ITGB5: variants seen among roughly 807,000 people sequenced by gnomAD.
ITGB5 encodes the protein integrin subunit beta 5.
ITGB5 carries 38 observed loss-of-function variants against 84.8 expected under a neutral mutation model. That is an observed-to-expected ratio of 0.45 (90% CI 0.35 to 0.59). The LOEUF (loss-of-function observed/expected upper bound fraction) is 0.59. Among genes scored for constraint, ITGB5 ranks in the 20% least tolerant of loss-of-function variants. The pLI is 0.01. For synonymous variants in ITGB5, 393 were observed against 414.4 expected (o/e 0.95, Z 0.63); for missense variants, 905 against 1,034.5 (o/e 0.87, Z 1.72).
chr3:124,861,519 CACACACACAG>C (rs1174655916), intron 2 of ITGB5, among the ~76,000 whole-genome samples: 46 of 147,138 alleles, frequency 3.1e-4, no homozygotes, highest in African/African-American at 7.5e-4. Context: ...CACACACACA[CACACACACAG>C]AGAGATACAC....
chr3:124,854,611 G>A (rs2065198073), intron 3 of ITGB5, among the ~76,000 whole-genome samples: 1 of 152,200 alleles, frequency 6.6e-6, no homozygotes, highest in Non-Finnish European at 1.5e-5. Context: ...GAGGGTGGGA[G>A]ACGGTAGTTT....
upstream of ITGB5, among the ~76,000 whole-genome samples, chr3:124,888,202 C>A (rs1032279000): frequency 3.3e-5 from 5 of 152,068 alleles, no homozygotes; most frequent in Admixed American, 1.3e-4. Context: ...CAGGTGCGAG[C>A]CACCGTGCCC....
intron 2 of ITGB5, among the ~76,000 whole-genome samples, chr3:124,860,403 T>C (rs1432562079): frequency 2.6e-5 from 4 of 152,192 alleles, no homozygotes; most frequent in Admixed American, 1.3e-4. Flanking sequence ...TGAGGTGTTA[T>C]AGTAAAGTGA....
intron 13 of ITGB5, 117 bp downstream of exon 13, chr3:124,766,109 G>A (rs1377204773): frequency 2.0e-6 from 2 of 991,444 alleles, no homozygotes; most frequent in East Asian, 2.6e-5. Flanking sequence ...TCCTCTCCCT[G>A]CAGTTTCAAA....
chr3:124,866,219 G>C (rs1349332991), intron 2 of ITGB5, among the ~76,000 whole-genome samples: 2 of 152,000 alleles, frequency 1.3e-5, no homozygotes, highest in African/African-American at 2.4e-5. Flanking sequence ...CTGAGTTCAA[G>C]TGATCCACCC....
chr3:124,808,893 T>C lies in ITGB5; in HGVS notation c.1263+129A>G. On this transcript the variant is annotated intron_variant, in intron 9 of 14. Coordinates refer to ENST00000296181, the MANE Select transcript of ITGB5 (RefSeq NM_002213.5). ...GCAAAACAGGCTTAGGAGACTCCTC[T>C]GGGATGCTGAATTGGAAAACAGAAT... 3 of 1,053,358 alleles carry C rather than the reference T, an allele frequency of 2.8e-6. 1 individual carries two copies. The South Asian group carries it at 4.8e-5, about 17-fold the overall frequency. The allele number at this position is 1,053,358 out of a possible 1,614,324, so 65.3% of individuals were successfully genotyped here.
intron 5 of ITGB5, among the ~76,000 whole-genome samples, chr3:124,841,139 T>C (rs1209469963): frequency 6.6e-6 from 1 of 152,160 alleles, no homozygotes; most frequent in African/African-American, 2.4e-5. Context: ...TAGCAGACAG[T>C]ACTCCATTGC....
intron 4 of ITGB5, among the ~76,000 whole-genome samples, chr3:124,845,672 C>T (rs568678598): frequency 5.4e-4 from 82 of 152,214 alleles, no homozygotes; most frequent in African/African-American, 1.8e-3. Flanking sequence ...AAATGCTGAG[C>T]GCCTAGAGCC....
chr3:124,796,534 G>A lies in ITGB5; in HGVS notation c.1547C>T (p.Ala516Val). Residue 516 changes from alanine (A) to valine (V), a missense_variant, in exon 10 of 15, where the codon GCA becomes GTA. Ala to Val is a moderately conservative substitution (Grantham distance 64, BLOSUM62 0). This residue lies in a region of ITGB5 where 656 missense variants were observed against 734.7 expected (regional missense o/e 0.89). Transcript: ENST00000296181. ...CCCGCTGCACAGTGGCTTGCCCTCTGCCTCCCGGCACAGGTTCTGGTACAC... is the reference window on the plus strand; with the variant it reads ...CCCGCTGCACAGTGGCTTGCCCTCTACCTCCCGGCACAGGTTCTGGTACAC... ...QSVYQNLCRE[A>V]EGKPLCSGRG... The A allele has an allele frequency of 6.2e-7, 1 of 1,614,094 alleles. No homozygotes were observed. Among genetic ancestry groups the A allele is most frequent in the Non-Finnish European group, 8.5e-7 (1 of 1,180,038 alleles).
At chr3:124,822,309 G>A (rs2064718923) in intron 5 of ITGB5, among the ~76,000 whole-genome samples, 2 of 152,188 alleles carry the variant, frequency 1.3e-5, no homozygotes, top group South Asian at 2.1e-4. Context: ...TAGTAATGGT[G>A]AACGGGCATC....
chr3:124,787,172 G>T (rs567919519), intron 10 of ITGB5, among the ~76,000 whole-genome samples: 3 of 152,268 alleles, frequency 2.0e-5, no homozygotes, highest in Non-Finnish European at 4.4e-5. Flanking sequence ...TCGCCACGGG[G>T]TTCTGTTGGC....
chr3:124,855,471 T>A (rs1051072356), intron 3 of ITGB5, among the ~76,000 whole-genome samples: 1 of 152,204 alleles, frequency 6.6e-6, no homozygotes, highest in African/African-American at 2.4e-5. Context: ...ATTCTTCAGG[T>A]TTGCCTGTAC....
chr3:124,841,677 C>G, intron 4 of ITGB5, 126 bp from the exon 5 acceptor site: 2 of 810,610 alleles, frequency 2.5e-6, no homozygotes, highest in Non-Finnish European at 3.9e-6. Context: ...TACCACATGC[C>G]CCAGGACAGG....
At chr3:124,814,847 G>C (rs989252183) in intron 8 of ITGB5, among the ~76,000 whole-genome samples, 1 of 152,144 alleles carries the variant, frequency 6.6e-6, no homozygotes, top group African/African-American at 2.4e-5. Context: ...TTAACTCGCA[G>C]AATCAAGCGA....
chr3:124,773,053 G>A (rs1364333753), intron 11 of ITGB5, among the ~76,000 whole-genome samples: 8 of 151,622 alleles, frequency 5.3e-5, no homozygotes, highest in Non-Finnish European at 7.4e-5. Context: ...TTACAGGCAC[G>A]TGCCACCACA....
chr3:124,795,281 G>A (rs149541320), intron 10 of ITGB5, among the ~76,000 whole-genome samples: 1,529 of 152,136 alleles, frequency 0.01, 8 homozygotes, highest in Non-Finnish European at 0.016. Context: ...TTGAGATCAC[G>A]AGTTCAAGAC....
chr3:124,858,471 A>G (rs1234378228), intron 3 of ITGB5, among the ~76,000 whole-genome samples: 1 of 152,242 alleles, frequency 6.6e-6, no homozygotes, highest in Non-Finnish European at 1.5e-5. Context: ...TATTCACAAG[A>G]GCCAAAAGTT....
rs10644920 is a variant in ITGB5 at position 124,810,908 on chromosome 3, T to TTTTCTTTC, written c.1129-1760_1129-1753dup. Among the ~76,000 whole-genome samples the TTTTCTTTC allele has an allele frequency of 8.7e-3, 1,303 of 150,054 alleles. 6 individuals are homozygous for TTTTCTTTC. Among genetic ancestry groups the TTTTCTTTC allele is most frequent in the Middle Eastern group, 0.01 (3 of 294 alleles). ...CAGACTTGCCTCTTGCTCTTGTGGGTTTTCTTTCTTTCTTTCTTTCTTTCT... is the reference window on the plus strand; with the variant it reads ...CAGACTTGCCTCTTGCTCTTGTGGGTTTTCTTTCTTTCTTTCTTTCTTTCTTTCTTTCT... On this transcript the variant is annotated intron_variant, in intron 8 of 14. Coordinates refer to ENST00000296181, the MANE Select transcript of ITGB5 (RefSeq NM_002213.5).
chr3:124,860,958 T>TGA (rs147057633), intron 2 of ITGB5, among the ~76,000 whole-genome samples: 3,551 of 152,212 alleles, frequency 0.023, 129 homozygotes, highest in African/African-American at 0.081. Flanking sequence ...CCCAGCACTT[T>TGA]GAGAGACTTG....
Sources: allele counts gnomAD v4.1 joint callset (sites outside exome capture counted in the v4.1 genomes callset), GRCh38; gene constraint gnomAD v4.1.1; regional missense constraint gnomAD v4.1.1; transcripts MANE v1.5; gene names NCBI Gene and HGNC (gene_info 2026-07-23, HGNC 2026-07-21).